The following ST8SIA4 variants were observed in gnomAD, a reference collection of about 807,000 sequenced individuals.
The protein encoded by ST8SIA4 is CMP-N-acetylneuraminate-poly-alpha-2,8-sialyltransferase.
ST8SIA4 carries 15 observed loss-of-function variants against 33.9 expected under a neutral mutation model. That is an observed-to-expected ratio of 0.44 (90% CI 0.30 to 0.68). ST8SIA4 has a LOEUF of 0.68. ST8SIA4 is among the 30% of genes least tolerant of loss of function. The pLI is 0.10. For synonymous variants in ST8SIA4, 171 were observed against 151.2 expected (o/e 1.13, Z -0.96); for missense variants, 321 against 428.0 (o/e 0.75, Z 2.21).
chr5:100,870,198 A>T (rs965211466), intron 3 of ST8SIA4, among the ~76,000 whole-genome samples: 1 of 152,162 alleles, frequency 6.6e-6, no homozygotes, highest in Non-Finnish European at 1.5e-5. Flanking sequence ...ATGGCTGCAT[A>T]GTATTGCGTG....
rs1561379422 is a variant in ST8SIA4 at position 100,807,991 on chromosome 5, G to A, written c.*3856C>T. ...TTTAAAACATTGGTATATTGATAAT[G>A]TTTGATGGGAAAACTTTCAAACTTG... On this transcript the variant is annotated 3_prime_UTR_variant, in exon 5 of 5. Transcript: ENST00000231461. The A allele has an allele frequency of 6.6e-6, 1 of 152,368 alleles. No homozygotes were observed. The highest frequency in any genetic ancestry group is 1.5e-5 in the Non-Finnish European group (1 of 67,938). 9.4% of individuals were successfully genotyped at this position (152,368 alleles called of 1,614,324 possible). A position where few individuals can be genotyped will look rare whatever the true frequency, so the allele number is the denominator to read the frequency against.
intron 4 of ST8SIA4, among the ~76,000 whole-genome samples, chr5:100,841,666 T>G (rs1751474252): frequency 6.6e-6 from 1 of 151,850 alleles, no homozygotes; most frequent in Non-Finnish European, 1.5e-5. Context: ...TTTGTCCAAT[T>G]ATTTGTTCAA....
intron 4 of ST8SIA4, among the ~76,000 whole-genome samples, chr5:100,855,723 A>G (rs1230997619): frequency 6.6e-6 from 1 of 152,160 alleles, no homozygotes; most frequent in Non-Finnish European, 1.5e-5. Flanking sequence ...CTCCTTAAAT[A>G]TATCTAACAT....
rs781781919 is a variant in ST8SIA4 at position 100,812,133 on chromosome 5, G to C, written c.798-4C>G. On this transcript the variant is annotated splice_region_variant and splice_polypyrimidine_tract_variant and intron_variant, in intron 4 of 4. Transcript: ENST00000231461. ...AACTTTGTTGGTCAGCCAGTAACTG[G>C]AAAAACAAAAAACAAAATCAAGAAG... is the stretch of plus-strand genomic sequence containing the variant. 6.3e-7 allele frequency: 1 copy of C among 1,596,138 alleles called. No homozygotes were observed. Among genetic ancestry groups the C allele is most frequent in the East Asian group, 2.2e-5 (1 of 44,748 alleles).
intron 4 of ST8SIA4, among the ~76,000 whole-genome samples, chr5:100,841,337 G>C (rs1460011401): frequency 6.6e-5 from 10 of 151,804 alleles, no homozygotes; most frequent in Non-Finnish European, 1.5e-4. Context: ...TTTAAAAAGA[G>C]GTCAATTATG....
Position 100,898,521 on chromosome 5 carries a change from A to G in ST8SIA4, c.114-2736T>C, listed in dbSNP as rs569500120. Among the ~76,000 whole-genome samples the G allele has an allele frequency of 5.4e-4, 83 of 152,346 alleles. 1 individual carries two copies. Among genetic ancestry groups the G allele is most frequent in the South Asian group, 3.5e-3 (17 of 4,824 alleles). On this transcript the variant is annotated intron_variant, in intron 1 of 4. Coordinates refer to ENST00000231461, the MANE Select transcript of ST8SIA4 (RefSeq NM_005668.6). ...CTTTCATTGAGCTGGTGATAAGCCA[A>G]ATTTCAGACTTTCATCACTGGAAAG...
intron 4 of ST8SIA4, among the ~76,000 whole-genome samples, chr5:100,823,097 C>G (rs570566076): frequency 2.6e-5 from 4 of 152,198 alleles, no homozygotes; most frequent in East Asian, 3.9e-4. Flanking sequence ...CGCCACTGCA[C>G]TCCAGCCTGG....
At chr5:100,836,469 G>T (rs534095471) in intron 4 of ST8SIA4, among the ~76,000 whole-genome samples, 1 of 151,996 alleles carries the variant, frequency 6.6e-6, no homozygotes, top group East Asian at 1.9e-4. Context: ...ATTAGGTACG[G>T]TAGACTACTA....
At chr5:100,881,671 C>A (rs1752427657) in intron 3 of ST8SIA4, among the ~76,000 whole-genome samples, 1 of 152,120 alleles carries the variant, frequency 6.6e-6, no homozygotes, top group African/African-American at 2.4e-5. Flanking sequence ...GGGTCCCCAC[C>A]CAAATCTCAT....
At position 100,895,675 on chromosome 5, in the gene ST8SIA4, G is replaced by A. The variant is rs866022278; in HGVS notation, c.224C>T (p.Ser75Phe). ...TCACCTTATCTCTAGGACCAAAGAGGAATTGATTTTCCAACCTTCTACATT... is the reference window on the plus strand; with the variant it reads ...TCACCTTATCTCTAGGACCAAAGAGAAATTGATTTTCCAACCTTCTACATT... ...QHNVEGWKINSSLVLEIRKNI... is the reference protein window; with the variant it reads ...QHNVEGWKINFSLVLEIRKNI... The change falls in exon 2 of 5, where the codon TCC (serine) becomes TTC (phenylalanine). Residue 75 changes from serine (S) to phenylalanine (F), a missense_variant. Physicochemically the swap from Ser to Phe is radical, Grantham distance 155. Coordinates refer to ENST00000231461, the MANE Select transcript of ST8SIA4 (RefSeq NM_005668.6). 8 of 1,610,984 alleles carry A rather than the reference G, an allele frequency of 5.0e-6. No homozygotes were observed. The highest frequency in any genetic ancestry group is 1.7e-4 in the Middle Eastern group (1 of 6,050).
chr5:100,885,277 T>C, intron 3 of ST8SIA4: 2 of 790,804 alleles, frequency 2.5e-6, no homozygotes, highest in Non-Finnish European at 3.1e-6. Context: ...CATTAATCTC[T>C]GACCCTTCAC....
chr5:100,902,893 C>T lies in ST8SIA4; in HGVS notation c.63G>A (p.Lys21=), dbSNP rs1298228038. The change falls in exon 1 of 5, where the codon AAG becomes AAA. Residue 21 remains lysine, a synonymous_variant. Coordinates refer to ENST00000231461, the MANE Select transcript of ST8SIA4 (RefSeq NM_005668.6). The part of the protein sequence containing the change: ...CTISLLLIFY[K]TKEIARTEEH... ...CCTCAGTTCTTGCTATTTCTTTTGT[C>T]TTATAAAAGATCAGGAGCAGACTTA... 6.8e-6 allele frequency: 11 copies of T among 1,614,084 alleles called. No individual in the cohort carries two copies. In the East Asian group the frequency reaches 2.5e-4, roughly 36 times the overall value.
chr5:100,894,096 C>T (rs1752731409), intron 2 of ST8SIA4, among the ~76,000 whole-genome samples: 1 of 152,074 alleles, frequency 6.6e-6, no homozygotes, highest in African/African-American at 2.4e-5. Flanking sequence ...GGATATGCGA[C>T]AGAGAAGAAT....
intron 2 of ST8SIA4, among the ~76,000 whole-genome samples, chr5:100,887,602 T>C (rs1486426702): frequency 1.3e-5 from 2 of 151,894 alleles, no homozygotes; most frequent in Admixed American, 1.3e-4. Context: ...AGTAGGTAGA[T>C]GATGGAAAAT....
intron 3 of ST8SIA4, among the ~76,000 whole-genome samples, chr5:100,884,088 A>G (rs553571408): frequency 6.6e-6 from 1 of 152,380 alleles, no homozygotes; most frequent in African/African-American, 2.4e-5. Context: ...CAGTTAAACC[A>G]GTTTACTGAA....
intron 4 of ST8SIA4, among the ~76,000 whole-genome samples, chr5:100,847,633 G>T (rs1236596211): frequency 1.3e-5 from 2 of 151,990 alleles, no homozygotes; most frequent in East Asian, 3.8e-4. Context: ...CTGTTTATTT[G>T]TTAGAAACCA....
intron 4 of ST8SIA4, among the ~76,000 whole-genome samples, chr5:100,828,796 T>C (rs928291453): frequency 1.3e-5 from 2 of 152,212 alleles, no homozygotes; most frequent in Non-Finnish European, 2.9e-5. Flanking sequence ...TATTTTTTAA[T>C]ACTATTTTTA....
chr5:100,849,610 A>AT (rs1339202948), intron 4 of ST8SIA4, among the ~76,000 whole-genome samples: 4 of 137,834 alleles, frequency 2.9e-5, no homozygotes, highest in Middle Eastern at 3.6e-3. Flanking sequence ...GTGAAACCCC[A>AT]TCCCTTCCAA....
chr5:100,847,304 GA>G (rs1411988572), intron 4 of ST8SIA4, among the ~76,000 whole-genome samples: 1 of 151,864 alleles, frequency 6.6e-6, no homozygotes, highest in Non-Finnish European at 1.5e-5. Context: ...TGAGTTGATT[GA>G]ATACTCCAAA....
Sources: allele counts gnomAD v4.1 joint callset (sites outside exome capture counted in the v4.1 genomes callset), GRCh38; gene constraint gnomAD v4.1.1; transcripts MANE v1.5; gene names NCBI Gene and HGNC (gene_info 2026-07-23, HGNC 2026-07-21).